The following TBC1D23 variants were observed in gnomAD, a reference collection of about 807,000 sequenced individuals.
TBC1D23 encodes HCV non-structural protein 4A-transactivated protein 1.
Under a neutral mutation model 91.4 loss-of-function variants are expected in TBC1D23, and 55 were observed. That is an observed-to-expected ratio of 0.60 (90% confidence interval 0.48 to 0.75). The LOEUF is 0.75. Ranked by LOEUF, TBC1D23 falls within the 30% of genes least tolerant of loss-of-function variation. TBC1D23 has a pLI of 0.00. For missense variants in TBC1D23, 725 were observed against 836.1 expected, an observed-to-expected ratio of 0.87 and a Z score of 1.64; for synonymous variants, 289 against 281.0, an observed-to-expected ratio of 1.03 and a Z score of -0.28.
At chr3:100,268,774 A>G (rs1037555745) in intron 1 of TBC1D23, among the ~76,000 whole-genome samples, 3 of 152,178 alleles carry the variant, frequency 2.0e-5, no homozygotes, top group Non-Finnish European at 2.9e-5. Context: ...GTCACCTCAT[A>G]TGTATAGAAG....
chr3:100,317,081 CAA>C (rs34131078), intron 16 of TBC1D23, among the ~76,000 whole-genome samples: 52 of 117,640 alleles, frequency 4.4e-4, no homozygotes, highest in South Asian at 2.6e-3. Flanking sequence ...GACTCTGTCT[CAA>C]AAAAAAAAAA....
intron 13 of TBC1D23, among the ~76,000 whole-genome samples, chr3:100,309,610 C>CTTTTTTTTTTTTTTT (rs71132518): frequency 1.9e-4 from 22 of 116,118 alleles, no homozygotes; most frequent in African/African-American, 6.4e-4. Context: ...ATTCTACCTT[C>CTTTTTTTTTTTTTTT]TTTTTTTTTT....
chr3:100,264,940 GTC>G (rs1441832366), intron 1 of TBC1D23, among the ~76,000 whole-genome samples: 3 of 152,224 alleles, frequency 2.0e-5, no homozygotes, highest in South Asian at 2.1e-4. Context: ...GAACTTGAGA[GTC>G]TCTGTTTCTG....
chr3:100,309,638 G>A (rs1444683534), intron 13 of TBC1D23, among the ~76,000 whole-genome samples: 7 of 81,528 alleles, frequency 8.6e-5, no homozygotes, highest in Non-Finnish European at 1.0e-4. Context: ...TTGAGACAGC[G>A]TCTCGCTCTG....
At chr3:100,275,903 A>G (rs2067644495) in intron 1 of TBC1D23, among the ~76,000 whole-genome samples, 1 of 152,228 alleles carries the variant, frequency 6.6e-6, no homozygotes, top group Admixed American at 6.5e-5. Context: ...GAAACCAGGC[A>G]TAAAGGCCAC....
intron 1 of TBC1D23, among the ~76,000 whole-genome samples, chr3:100,272,691 A>G (rs892007667): frequency 7.2e-5 from 11 of 152,178 alleles, no homozygotes; most frequent in Admixed American, 7.2e-4. Context: ...GGTGTTTCTC[A>G]GAGAGGGGGA....
intron 12 of TBC1D23, among the ~76,000 whole-genome samples, chr3:100,305,505 C>T (rs1705501501): frequency 6.6e-6 from 1 of 152,156 alleles, no homozygotes; most frequent in Non-Finnish European, 1.5e-5. Context: ...TACAAAAATA[C>T]TGAGCTGTAA....
Position 100,295,743 on chromosome 3 carries a change from C to T in TBC1D23, c.772+395C>T, listed in dbSNP as rs906163302. Among the ~76,000 whole-genome samples the T allele has an allele frequency of 5.9e-4, 89 of 151,992 alleles. 1 individual carries two copies. Among genetic ancestry groups the T allele is most frequent in the African/African-American group, 2.0e-3 (84 of 41,410 alleles). On this transcript the variant is annotated intron_variant, in intron 7 of 18. Coordinates refer to ENST00000394144, the MANE Select transcript of TBC1D23 (RefSeq NM_001199198.3). ...CATATCCCCCACATAGAGATAGTTA[C>T]TTCCTCTCTATATTCCCTGGCACTT...
intron 10 of TBC1D23, among the ~76,000 whole-genome samples, chr3:100,301,309 G>C (rs116272610): frequency 6.7e-6 from 1 of 149,582 alleles, no homozygotes; most frequent in African/African-American, 2.5e-5. Flanking sequence ...ACCTTCTTAC[G>C]TTTCAGAACT....
intron 15 of TBC1D23, among the ~76,000 whole-genome samples, chr3:100,313,519 C>A (rs1019010171): frequency 2.6e-5 from 4 of 152,066 alleles, no homozygotes; most frequent in Admixed American, 2.6e-4. Context: ...TCTCAATAAT[C>A]CTTAGCATTC....
In TBC1D23 at chr3:100,279,767, A is replaced by G; in HGVS notation, c.165+7A>G. 2 of 1,506,412 alleles carry G rather than the reference A, an allele frequency of 1.3e-6. No individual in the cohort carries two copies. Among genetic ancestry groups the G allele is most frequent in the Non-Finnish European group, 1.8e-6 (2 of 1,093,178 alleles). 93.3% of individuals were successfully genotyped at this position (1,506,412 alleles called of 1,614,324 possible). A position where few individuals can be genotyped will look rare whatever the true frequency, so the allele number is the denominator to read the frequency against. ...GAGGGCCAAAGTTTGGAAGGTAACT[A>G]GAAACTAAAATGAATAAAATGTAAT... On this transcript the variant is annotated splice_region_variant and intron_variant, in intron 2 of 18. Coordinates refer to ENST00000394144, the MANE Select transcript of TBC1D23 (RefSeq NM_001199198.3).
intron 17 of TBC1D23, 83 bp downstream of exon 17, chr3:100,319,287 T>C (rs1162415682): frequency 7.2e-6 from 8 of 1,109,686 alleles, no homozygotes; most frequent in Non-Finnish European, 1.1e-5. Context: ...GAAGAACCTT[T>C]ATTTATCCTA....
chr3:100,268,124 C>T (rs567613382), intron 1 of TBC1D23, among the ~76,000 whole-genome samples: 1 of 152,054 alleles, frequency 6.6e-6, no homozygotes, highest in Non-Finnish European at 1.5e-5. Flanking sequence ...GTGAGCTGTG[C>T]ACACCAAGCC....
intron 10 of TBC1D23, among the ~76,000 whole-genome samples, chr3:100,299,802 C>T (rs1462939904): frequency 2.6e-5 from 4 of 152,186 alleles, no homozygotes; most frequent in Non-Finnish European, 4.4e-5. Flanking sequence ...TGAGCCACCA[C>T]GCCCAGCCCA....
In TBC1D23 at chr3:100,302,217, G is replaced by C; in HGVS notation, c.1243G>C (p.Val415Leu). 1 of 1,612,620 alleles carries C rather than the reference G, an allele frequency of 6.2e-7. No homozygotes were observed. The highest frequency in any genetic ancestry group is 8.5e-7 in the Non-Finnish European group (1 of 1,179,504). Residue 415 changes from valine to leucine, a missense_variant, in exon 11 of 19, where the codon GTC becomes CTC. By Grantham distance (32) the Val-to-Leu change is conservative. Transcript: ENST00000394144. ...REEEDMYMNM[V>L]LAHFLQKNKE... Reference sequence around the variant, plus strand: ...GGAAGAAGACATGTATATGAACATGGTCCTGGCACACTTTTTACAGGTATG... The same window carrying C: ...GGAAGAAGACATGTATATGAACATGCTCCTGGCACACTTTTTACAGGTATG...
At chr3:100,284,138 G>A (rs1576166083) in intron 4 of TBC1D23, 1 of 210,002 alleles carries the variant, frequency 4.8e-6, no homozygotes, top group East Asian at 1.1e-4. Flanking sequence ...GGGGACTCTA[G>A]TTAATAATAG....
intron 8 of TBC1D23, among the ~76,000 whole-genome samples, chr3:100,296,682 A>C (rs1576173771): frequency 6.6e-6 from 1 of 150,836 alleles, no homozygotes; most frequent in East Asian, 2.0e-4. Flanking sequence ...ACACGGTGAA[A>C]CCCTATCTTT....
intron 1 of TBC1D23, among the ~76,000 whole-genome samples, chr3:100,274,998 C>T (rs1192560700): frequency 2.0e-5 from 3 of 147,118 alleles, no homozygotes; most frequent in Non-Finnish European, 4.5e-5. Context: ...CATGTGTATA[C>T]AAAAGTCTCT....
At chr3:100,317,993 T>G (rs1013196489) in intron 16 of TBC1D23, among the ~76,000 whole-genome samples, 2 of 152,058 alleles carry the variant, frequency 1.3e-5, no homozygotes, top group Non-Finnish European at 2.9e-5. Context: ...TATAGAATAC[T>G]ACTGTATATT....
Sources: gnomAD v4.1 joint callset for allele counts (sites outside exome capture counted in the v4.1 genomes callset) on GRCh38, gnomAD v4.1.1 for gene constraint, MANE v1.5 for transcripts, NCBI Gene and HGNC (gene_info 2026-07-23, HGNC 2026-07-21) for gene names.